Variants in C14orf132 observed in about 807,000 individuals in gnomAD.
The protein encoded by C14orf132 is chromosome 14 open reading frame 132.
Under a neutral mutation model 5.8 loss-of-function variants are expected in C14orf132, and 6 were observed. That is an observed-to-expected ratio of 1.03 (90% confidence interval 0.57 to 2.04). The LOEUF is 2.04. Ranked by LOEUF, C14orf132 falls within the 30% of genes most tolerant of loss-of-function variation. The probability of loss-of-function intolerance (pLI) is 0.00; values close to 1 mark genes in which losing one functional copy is unlikely to be tolerated. For missense variants in C14orf132, 125 were observed against 115.8 expected (o/e 1.08, Z -0.37); for synonymous variants, 51 against 49.8 (o/e 1.02, Z -0.10).
Position 96,082,916 on chromosome 14 carries a change from G to A in C14orf132, c.28-3595G>A, listed in dbSNP as rs567811807. On this transcript the variant is annotated intron_variant, in intron 1 of 1. Coordinates refer to ENST00000555004, the MANE Select transcript of C14orf132 (RefSeq NM_001252507.3). ...ATAGAAGGGAAATTGAGGCAAGTGGGTAAGTAACTCACCCAAGCTCCACCA... is the reference window on the plus strand; with the variant it reads ...ATAGAAGGGAAATTGAGGCAAGTGGATAAGTAACTCACCCAAGCTCCACCA... 2.1e-3 allele frequency among the ~76,000 whole-genome samples: 321 copies of A among 152,322 alleles called. 3 individuals are homozygous for A. Among genetic ancestry groups the A allele is most frequent in the Non-Finnish European group, 3.5e-3 (239 of 68,024 alleles).
At chr14:96,049,653 T>TATAGAGAGAGAGAGAGAG (rs371381526) in intron 1 of C14orf132, among the ~76,000 whole-genome samples, 1 of 82,282 alleles carries the variant, frequency 1.2e-5, no homozygotes, top group African/African-American at 4.6e-5. Flanking sequence ...TATATATATA[T>TATAGAGAGAGAGAGAGAG]AGAGAGAGAG....
chr14:96,042,987 T>C (rs1204062594), intron 1 of C14orf132, among the ~76,000 whole-genome samples: 1 of 152,252 alleles, frequency 6.6e-6, no homozygotes, highest in African/African-American at 2.4e-5. Flanking sequence ...CTTTTAGGAC[T>C]GAGTCCAAAA....
chr14:96,056,674 G>A (rs978363857), intron 1 of C14orf132, among the ~76,000 whole-genome samples: 2 of 152,008 alleles, frequency 1.3e-5, no homozygotes, highest in East Asian at 1.9e-4. Flanking sequence ...CTATGATGAC[G>A]TTGCACTATT....
chr14:96,046,749 C>G (rs557311937), intron 1 of C14orf132, among the ~76,000 whole-genome samples: 22 of 152,306 alleles, frequency 1.4e-4, no homozygotes, highest in African/African-American at 5.1e-4. Context: ...GCTGGCATAT[C>G]CCCTGCTAAT....
intron 1 of C14orf132, among the ~76,000 whole-genome samples, chr14:96,049,580 GTATATATA>G (rs201847402): frequency 0.059 from 6,830 of 115,266 alleles, 679 homozygotes; most frequent in Non-Finnish European, 0.091. Flanking sequence ...ACATATATAC[GTATATATA>G]TACATATATA....
At position 96,091,957 on chromosome 14, in the gene C14orf132, T is replaced by C. The variant is rs1888421164; in HGVS notation, c.*5222T>C. On this transcript the variant is annotated 3_prime_UTR_variant, in exon 2 of 2. Transcript: ENST00000555004. ...CTTGAGCATTTACTGGGTTTCTTTTTGAGGAAGAGGGAAAGTGACAAAGGA... is the reference window on the plus strand; with the variant it reads ...CTTGAGCATTTACTGGGTTTCTTTTCGAGGAAGAGGGAAAGTGACAAAGGA... 6.6e-6 allele frequency: 1 copy of C among 152,206 alleles called. No individual in the cohort carries two copies. Among genetic ancestry groups the C allele is most frequent in the Non-Finnish European group, 1.5e-5 (1 of 68,030 alleles). The allele number at this position is 152,206 out of a possible 1,614,324, so 9.4% of individuals were successfully genotyped here.
In C14orf132 at chr14:96,039,428, C is replaced by T; in HGVS notation, c.-73C>T. ...CGCTCGCTGCTCAGCCCGATCCCCGCCAACTGTGCAGGCGGCTGACCCGCA... is the reference window on the plus strand; with the variant it reads ...CGCTCGCTGCTCAGCCCGATCCCCGTCAACTGTGCAGGCGGCTGACCCGCA... On this transcript the variant is annotated 5_prime_UTR_variant, in exon 1 of 2. Coordinates refer to ENST00000555004, the MANE Select transcript of C14orf132 (RefSeq NM_001252507.3). The surrounding 1 kb of genome is among the most constrained non-coding windows in gnomAD (Gnocchi z 5.3). The T allele has an allele frequency of 1.4e-6, 2 of 1,415,828 alleles. No homozygotes were observed. The highest frequency in any genetic ancestry group is 1.9e-6 in the Non-Finnish European group (2 of 1,076,486). 87.7% of individuals were successfully genotyped at this position (1,415,828 alleles called of 1,614,324 possible).
chr14:96,056,325 G>A (rs765328119), intron 1 of C14orf132, among the ~76,000 whole-genome samples: 4 of 152,230 alleles, frequency 2.6e-5, no homozygotes, highest in Non-Finnish European at 4.4e-5. Context: ...CGGCCTGCAA[G>A]GGGGTCAGGG....
At chr14:96,073,297 C>T (rs887940675) in intron 1 of C14orf132, among the ~76,000 whole-genome samples, 4 of 152,084 alleles carry the variant, frequency 2.6e-5, no homozygotes, top group Non-Finnish European at 5.9e-5. Flanking sequence ...AGTGACATAT[C>T]TCCTATTTAG....
chr14:96,068,956 C>T (rs1157330723), intron 1 of C14orf132, among the ~76,000 whole-genome samples: 5 of 151,892 alleles, frequency 3.3e-5, no homozygotes, highest in Non-Finnish European at 5.9e-5. Flanking sequence ...GAATTCTCCA[C>T]TTTTATCTCC....
chr14:96,041,716 T>C (rs1256326958), intron 1 of C14orf132, among the ~76,000 whole-genome samples: 1 of 152,236 alleles, frequency 6.6e-6, no homozygotes, highest in Non-Finnish European at 1.5e-5. Context: ...TGTGCAGTCT[T>C]TCCCTCAGCA....
intron 1 of C14orf132, among the ~76,000 whole-genome samples, chr14:96,069,953 G>T (rs1887655732): frequency 6.6e-6 from 1 of 152,162 alleles, no homozygotes. Flanking sequence ...TTCTTCCAGG[G>T]CCTTCCAAGA....
Position 96,044,482 on chromosome 14 carries a change from G to A in C14orf132, c.27+4955G>A, listed in dbSNP as rs147063667. Among the ~76,000 whole-genome samples, 317 of 152,356 alleles carry A rather than the reference G, an allele frequency of 2.1e-3. 1 individual carries two copies. The highest frequency in any genetic ancestry group is 3.5e-3 in the Non-Finnish European group (241 of 68,032). On this transcript the variant is annotated intron_variant, in intron 1 of 1. Coordinates refer to ENST00000555004, the MANE Select transcript of C14orf132 (RefSeq NM_001252507.3). Reference sequence around the variant, plus strand: ...GGCATGAGCCATTGTACCCAGCTGTGTACATTTTTAAACAAATTCTTGAAC... The same window carrying A: ...GGCATGAGCCATTGTACCCAGCTGTATACATTTTTAAACAAATTCTTGAAC...
intron 1 of C14orf132, among the ~76,000 whole-genome samples, chr14:96,061,267 C>T (rs1253232098): frequency 2.0e-5 from 3 of 152,206 alleles, no homozygotes; most frequent in Non-Finnish European, 4.4e-5. Context: ...GATTAGTTCA[C>T]AGTCACACAG....
In C14orf132 at chr14:96,086,825, C is replaced by A; in HGVS notation, c.*90C>A. ...TTTGGCTTCTCCTGTGTTCTAGAAC[C>A]AGGAGTTTTGACCAGGGGCGGCGGC... On this transcript the variant is annotated 3_prime_UTR_variant, in exon 2 of 2. Transcript: ENST00000555004. 7.5e-7 allele frequency: 1 copy of A among 1,325,980 alleles called. No homozygotes were observed. The highest frequency in any genetic ancestry group is 1.0e-6 in the Non-Finnish European group (1 of 979,544). 82.1% of individuals were successfully genotyped at this position (1,325,980 alleles called of 1,614,324 possible).
chr14:96,069,678 AC>A (rs1475615451), intron 1 of C14orf132, among the ~76,000 whole-genome samples: 1 of 152,122 alleles, frequency 6.6e-6, no homozygotes, highest in Non-Finnish European at 1.5e-5. Flanking sequence ...CTGACATCTG[AC>A]CAGGGACCTC....
chr14:96,091,337 A>G lies in C14orf132; in HGVS notation c.*4602A>G. The G allele has an allele frequency of 3.2e-6, 1 of 310,412 alleles. No individual in the cohort carries two copies. Among genetic ancestry groups the G allele is most frequent in the South Asian group, 3.0e-5 (1 of 33,006 alleles). The allele number at this position is 310,412 out of a possible 1,614,324, so 19.2% of individuals were successfully genotyped here. Reference sequence around the variant, plus strand: ...CAGTGCACAGGGATTTATCAGTTCCAGAACCTCACAGTGATAAGAGGCTTT... The same window carrying G: ...CAGTGCACAGGGATTTATCAGTTCCGGAACCTCACAGTGATAAGAGGCTTT... On this transcript the variant is annotated 3_prime_UTR_variant, in exon 2 of 2. Coordinates refer to ENST00000555004, the MANE Select transcript of C14orf132 (RefSeq NM_001252507.3).
intron 1 of C14orf132, among the ~76,000 whole-genome samples, chr14:96,072,399 A>G (rs1887739711): frequency 6.6e-6 from 1 of 152,186 alleles, no homozygotes; most frequent in African/African-American, 2.4e-5. Context: ...ACCACCTCCC[A>G]GGGGCCCTGA....
intron 1 of C14orf132, among the ~76,000 whole-genome samples, chr14:96,082,069 A>G (rs1291769100): frequency 6.6e-6 from 1 of 151,902 alleles, no homozygotes; most frequent in East Asian, 1.9e-4. Context: ...CTCTTAAGCC[A>G]CTCTGTCTTC....
Sources: gnomAD v4.1 joint callset for allele counts (sites outside exome capture counted in the v4.1 genomes callset) on GRCh38, gnomAD v4.1.1 for gene constraint, Gnocchi (gnomAD v3.1) non-coding constraint, MANE v1.5 for transcripts, NCBI Gene and HGNC (gene_info 2026-07-23, HGNC 2026-07-21) for gene names.